Variants in RELN observed in about 807,000 individuals in gnomAD.
RELN encodes the protein reelin.
In RELN, 108 loss-of-function variants were observed where a neutral mutation model predicts 427.6. The ratio of observed to expected loss-of-function variants is 0.25; its 90% CI spans 0.22 to 0.30. The LOEUF (loss-of-function observed/expected upper bound fraction) is 0.30. Among genes scored for constraint, RELN ranks in the 10% least tolerant of loss-of-function variants. The pLI is 1.00. For synonymous variants in RELN, 1,524 were observed against 1,513.4 expected (o/e 1.01, Z -0.16); for missense variants, 3,715 against 4,302.8 (o/e 0.86, Z 3.82).
rs1332136119 is a variant in RELN at position 103,655,576 on chromosome 7, C to T, written c.1442-1371G>A. 2.8e-4 allele frequency among the ~76,000 whole-genome samples: 42 copies of T among 152,036 alleles called. 1 individual carries two copies. The highest frequency in any genetic ancestry group is 2.6e-3 in the Admixed American group (40 of 15,226). On this transcript the variant is annotated intron_variant, in intron 12 of 64. Transcript: ENST00000428762. Reference sequence around the variant, plus strand: ...TGTTTGTAAATGCCTGGGTCAAACTCGACCTGAGTAATTGGGTCTGATCTT... The same window carrying T: ...TGTTTGTAAATGCCTGGGTCAAACTTGACCTGAGTAATTGGGTCTGATCTT...
intron 2 of RELN, among the ~76,000 whole-genome samples, chr7:103,901,492 A>C (rs1305036759): frequency 6.6e-6 from 1 of 152,092 alleles, no homozygotes; most frequent in African/African-American, 2.4e-5. Flanking sequence ...CCAAAAGTGG[A>C]AACAATCCAA....
chr7:103,636,038 T>C (rs539463797), intron 18 of RELN, among the ~76,000 whole-genome samples, 197 bp downstream of exon 18: 17 of 152,236 alleles, frequency 1.1e-4, no homozygotes, highest in Non-Finnish European at 2.1e-4. Flanking sequence ...CAGTCATTAA[T>C]ATCCAAGTCA....
chr7:103,559,564 A>G (rs564293777), intron 36 of RELN, among the ~76,000 whole-genome samples: 3 of 148,120 alleles, frequency 2.0e-5, no homozygotes, highest in African/African-American at 7.3e-5. Context: ...ACTTGCATAA[A>G]GCCTTGGATT....
intron 46 of RELN, among the ~76,000 whole-genome samples, chr7:103,533,554 C>T (rs1159545106): frequency 1.3e-5 from 2 of 152,134 alleles, no homozygotes; most frequent in African/African-American, 4.8e-5. Context: ...ACCCAAAGGG[C>T]CTTGTTACAA....
intron 7 of RELN, 65 bp from the exon 8 acceptor site, chr7:103,723,256 G>A: frequency 3.2e-6 from 3 of 940,280 alleles, no homozygotes; most frequent in Non-Finnish European, 5.2e-6. Flanking sequence ...AAAGATGCTG[G>A]GAGGGGTACG....
At chr7:103,854,123 A>G (rs1480385918) in intron 2 of RELN, among the ~76,000 whole-genome samples, 3 of 152,208 alleles carry the variant, frequency 2.0e-5, no homozygotes, top group Non-Finnish European at 4.4e-5. Flanking sequence ...ACTAAAAATA[A>G]AAGGAAAAAT....
Position 103,824,627 on chromosome 7 carries a change from AGTGTGTGTGTGTGTGTGTGTGT to A in RELN, c.473+8888_473+8909del, listed in dbSNP as rs368098458. Among the ~76,000 whole-genome samples the A allele has an allele frequency of 1.5e-5, 2 of 130,894 alleles. No individual in the cohort carries two copies. Among genetic ancestry groups the A allele is most frequent in the African/African-American group, 2.9e-5 (1 of 33,978 alleles). The allele number at this position is 130,894 out of a possible 152,430, so 85.9% of individuals were successfully genotyped here. A position where few individuals can be genotyped will look rare whatever the true frequency, so the allele number is the denominator to read the frequency against. On this transcript the variant is annotated intron_variant, in intron 3 of 64. Transcript: ENST00000428762. The surrounding 1 kb of genome is among the most constrained non-coding windows in gnomAD (Gnocchi z 4.4). ...GTGTTTTCACTTTCTTTCAAAACAG[AGTGTGTGTGTGTGTGTGTGTGT>A]GTGTGTGTGTGTGTGTGTGTGTGTG...
chr7:103,708,526 C>G (rs1018168254), intron 8 of RELN, among the ~76,000 whole-genome samples: 1 of 138,348 alleles, frequency 7.2e-6, no homozygotes, highest in African/African-American at 3.0e-5. Flanking sequence ...TGCAGTGGCG[C>G]GATCTCGGCT....
At chr7:103,958,222 T>C (rs748708493) in intron 1 of RELN, among the ~76,000 whole-genome samples, 1 of 152,176 alleles carries the variant, frequency 6.6e-6, no homozygotes, top group Non-Finnish European at 1.5e-5. Flanking sequence ...CCTGGCAACA[T>C]ATGGAGTGCA....
chr7:103,525,384 G>C (rs1829800949), intron 46 of RELN, among the ~76,000 whole-genome samples: 1 of 152,158 alleles, frequency 6.6e-6, no homozygotes, highest in African/African-American at 2.4e-5. Flanking sequence ...GGAGAGCAGG[G>C]TTGATTCCTT....
chr7:103,696,993 T>G (rs17154406), intron 10 of RELN, among the ~76,000 whole-genome samples: 30,466 of 152,106 alleles, frequency 0.2, 3,909 homozygotes, highest in African/African-American at 0.36. Flanking sequence ...TCTGAATTTT[T>G]CCCAAGACTT....
At chr7:103,503,718 G>A (rs903052634) in intron 51 of RELN, among the ~76,000 whole-genome samples, 44 of 152,130 alleles carry the variant, frequency 2.9e-4, no homozygotes, top group African/African-American at 1.0e-3. Flanking sequence ...CTTCGTTGAT[G>A]GTGATAGCCA....
intron 12 of RELN, among the ~76,000 whole-genome samples, chr7:103,655,259 T>C (rs1353194868): frequency 6.6e-6 from 1 of 152,088 alleles, no homozygotes; most frequent in Non-Finnish European, 1.5e-5. Flanking sequence ...ACTATGGGCA[T>C]GTATATGTAT....
At chr7:103,549,582 G>C (rs1436086753) in intron 41 of RELN, among the ~76,000 whole-genome samples, 1 of 152,132 alleles carries the variant, frequency 6.6e-6, no homozygotes, top group Non-Finnish European at 1.5e-5. Flanking sequence ...TGGAACACTT[G>C]GCTTTCAGGC....
In RELN at chr7:103,596,573, G is replaced by T. The variant is rs774730821; in HGVS notation, c.3422C>A (p.Ala1141Asp). Residue 1141 changes from alanine to aspartate, a missense_variant, in exon 25 of 65, where the codon GCT becomes GAT. Ala to Asp is a moderately radical substitution (Grantham distance 126). Transcript: ENST00000428762. ...QFYIQIGGES[A>D]SCNKPDSREE... is the part of the protein sequence containing the mutation. The stretch of plus-strand genomic sequence containing the variant: ...TCTGCTGTCAGGCTTGTTGCATGAA[G>T]CACTCTCTCCGCCTATCTGGATGTA... The T allele has an allele frequency of 2.2e-5, 35 of 1,614,030 alleles. No individual in the cohort carries two copies. The South Asian group carries it at 3.8e-4, about 18-fold the overall frequency.
intron 10 of RELN, among the ~76,000 whole-genome samples, chr7:103,685,927 T>C (rs967396352): frequency 1.3e-5 from 2 of 152,146 alleles, no homozygotes; most frequent in African/African-American, 4.8e-5. Flanking sequence ...TTTTCTAAGG[T>C]TGCTCCCTAT....
rs1314131480 is a variant in RELN, at chr7:103,644,468, T to C, written c.2003-3859A>G. On this transcript the variant is annotated intron_variant, in intron 16 of 64. Transcript: ENST00000428762. Reference sequence around the variant, plus strand: ...AAAACTTTTAGAAATGAAAAATTCATTGAAGGAATTACAAAACATAGTTGA... The same window carrying C: ...AAAACTTTTAGAAATGAAAAATTCACTGAAGGAATTACAAAACATAGTTGA... 4.7e-5 allele frequency among the ~76,000 whole-genome samples: 7 copies of C among 150,186 alleles called. No homozygotes were observed. The Admixed American group carries it at 4.7e-4, about 10-fold the overall frequency.
At chr7:103,473,707 A>G (rs1203940053) in intron 64 of RELN, among the ~76,000 whole-genome samples, 1 of 152,228 alleles carries the variant, frequency 6.6e-6, no homozygotes, top group African/African-American at 2.4e-5. Context: ...GAAACTGTAC[A>G]ATACTAGTAG....
chr7:103,705,953 A>C (rs935581421), intron 8 of RELN, among the ~76,000 whole-genome samples: 11 of 152,240 alleles, frequency 7.2e-5, no homozygotes, highest in African/African-American at 2.7e-4. Flanking sequence ...ATTTCATTTC[A>C]TAAATTTATT....
Sources: gnomAD v4.1 joint callset for allele counts (sites outside exome capture counted in the v4.1 genomes callset) on GRCh38, gnomAD v4.1.1 for gene constraint, Gnocchi (gnomAD v3.1) non-coding constraint, MANE v1.5 for transcripts, NCBI Gene and HGNC (gene_info 2026-07-23, HGNC 2026-07-21) for gene names.